ATAD5: variants seen among roughly 807,000 people sequenced by gnomAD.
ATAD5 encodes the protein ATPase family AAA domain-containing protein 5.
Under a neutral mutation model 176.9 loss-of-function variants are expected in ATAD5, and 58 were observed. The ratio of observed to expected loss-of-function variants is 0.33; its 90% CI spans 0.27 to 0.41. ATAD5 has a LOEUF of 0.41. ATAD5 is among the 10% of genes least tolerant of loss of function. The pLI is 1.00. For missense variants in ATAD5, 1,789 were observed against 2,094.1 expected (o/e 0.85, Z 2.84); for synonymous variants, 640 against 712.6 (o/e 0.90, Z 1.62).
intron 12 of ATAD5, among the ~76,000 whole-genome samples, chr17:30,869,029 G>T (rs1908179535): frequency 6.7e-6 from 1 of 148,824 alleles, no homozygotes; most frequent in South Asian, 2.1e-4. Flanking sequence ...TAGAGATGGG[G>T]TTTGGCCAGG....
intron 12 of ATAD5, among the ~76,000 whole-genome samples, chr17:30,868,616 C>T (rs1908142380): frequency 6.7e-6 from 1 of 150,054 alleles, no homozygotes; most frequent in Non-Finnish European, 1.5e-5. Context: ...AAGTGATTCT[C>T]ATGCCTCAGC....
rs771574943 is a variant in ATAD5 at position 30,893,748 on chromosome 17, C to T, written c.4895C>T (p.Thr1632Ile). 1.9e-6 allele frequency: 3 copies of T among 1,613,952 alleles called. No individual in the cohort carries two copies. Residue 1632 changes from threonine (T) to isoleucine (I), a missense_variant, in exon 21 of 23, where the codon ACA becomes ATA. Physicochemically the swap from Thr to Ile is moderately conservative, Grantham distance 89. Around this residue, in one of 6 missense-constraint regions of ATAD5, gnomAD observed 403 missense variants for 495.1 expected, o/e 0.81. Transcript: ENST00000321990. ...TKKSIPCPPK[T>I]TAGKKCSALV... ...AAATCTATTCCTTGTCCTCCTAAAA[C>T]AACTGCAGGAAAAAAATGTTCTGCC...
At chr17:30,838,167 C>G (rs1905868901) in intron 3 of ATAD5, among the ~76,000 whole-genome samples, 1 of 152,184 alleles carries the variant, frequency 6.6e-6, no homozygotes, top group African/African-American at 2.4e-5. Context: ...ACTTGAAAAA[C>G]TACAGCTCTA....
In ATAD5 at chr17:30,835,451, A is replaced by G; in HGVS notation, c.1370A>G (p.Lys457Arg). ...MENSGIQMVS[K>R]NGNLQLHTDK... ...AATTCTGGTATCCAAATGGTTTCAA[A>G]AAATGGCAATTTACAGTTACACACT... is the stretch of plus-strand genomic sequence containing the variant. Residue 457 changes from lysine to arginine, a missense_variant, in exon 2 of 23, where the codon AAA (lysine) becomes AGA (arginine). Physicochemically the swap from Lys to Arg is conservative, Grantham distance 26. Transcript: ENST00000321990. 1.2e-6 allele frequency: 2 copies of G among 1,611,926 alleles called. No homozygotes were observed. The highest frequency in any genetic ancestry group is 2.2e-5 in the South Asian group (2 of 89,988).
chr17:30,886,907 T>C (rs1909356107), intron 18 of ATAD5, among the ~76,000 whole-genome samples: 1 of 152,240 alleles, frequency 6.6e-6, no homozygotes, highest in Non-Finnish European at 1.5e-5. Flanking sequence ...AGGGGTTTTA[T>C]CAAGGTTTAT....
In ATAD5 at chr17:30,831,998, A is replaced by G. The variant is rs1905404347; in HGVS notation, c.-350A>G. On this transcript the variant is annotated 5_prime_UTR_variant, in exon 1 of 23. Transcript: ENST00000321990. ...GGACGGCGCGAAAACCCAATTGACA[A>G]GAATTCCCTCCGAAGCTCTGTGGTC... The G allele has an allele frequency of 2.9e-6, 1 of 345,780 alleles. No homozygotes were observed. Among genetic ancestry groups the G allele is most frequent in the Middle Eastern group, 7.4e-4 (1 of 1,348 alleles). 21.4% of individuals were successfully genotyped at this position (345,780 alleles called of 1,614,324 possible).
intron 14 of ATAD5, among the ~76,000 whole-genome samples, chr17:30,870,490 G>A (rs150385833): frequency 3.2e-4 from 48 of 152,114 alleles, no homozygotes; most frequent in African/African-American, 9.6e-4. Context: ...TATACAGGTG[G>A]CCTGTGTACT....
intron 18 of ATAD5, among the ~76,000 whole-genome samples, chr17:30,883,831 G>A (rs1366951528): frequency 1.3e-5 from 2 of 152,198 alleles, no homozygotes; most frequent in South Asian, 2.1e-4. Context: ...TTAGAGGTGT[G>A]AGCCCCCGCA....
In ATAD5 at chr17:30,877,500, C is replaced by A; in HGVS notation, c.3869C>A (p.Ala1290Asp). ...AATTCAAATGTCAAAGACGTTGGAG[C>A]TGAAGAACCCAGCAGAAAAAATGCA... ...ATNSNVKDVG[A>D]EEPSRKNATS... Residue 1290 changes from alanine (A) to aspartate (D), a missense_variant, in exon 16 of 23, where the codon GCT becomes GAT. Ala to Asp is a moderately radical substitution (Grantham distance 126). Coordinates refer to ENST00000321990, the MANE Select transcript of ATAD5 (RefSeq NM_024857.5). The A allele has an allele frequency of 6.2e-7, 1 of 1,611,472 alleles. No individual in the cohort carries two copies.
Position 30,834,225 on chromosome 17 carries a change from G to A in ATAD5, c.144G>A (p.Lys48=). Residue 48 remains lysine (K), a synonymous_variant, in exon 2 of 23, where the codon AAG becomes AAA. Coordinates refer to ENST00000321990, the MANE Select transcript of ATAD5 (RefSeq NM_024857.5). The part of the protein sequence containing the change: ...TITKYLSPLG[K]TRDRVFAPPK... ...CAAAATATTTATCACCACTAGGGAA[G>A]ACTAGAGACAGGGTTTTTGCTCCAC... 2 of 1,612,194 alleles carry A rather than the reference G, an allele frequency of 1.2e-6. No individual in the cohort carries two copies. The highest frequency in any genetic ancestry group is 1.7e-6 in the Non-Finnish European group (2 of 1,179,532).
Position 30,840,648 on chromosome 17 carries a change from C to T in ATAD5, c.2108C>T (p.Ala703Val), listed in dbSNP as rs1007012177. 1.3e-6 allele frequency: 2 copies of T among 1,568,310 alleles called. No homozygotes were observed. The highest frequency in any genetic ancestry group is 1.4e-5 in the African/African-American group (1 of 73,064). Reference sequence around the variant, plus strand: ...AATACTTCAAAAAACATATCAAAAGCAAAACAATTGATTGAAAAAGCAAAA... The same window carrying T: ...AATACTTCAAAAAACATATCAAAAGTAAAACAATTGATTGAAAAAGCAAAA... ...ASNTSKNISKAKQLIEKAKAL... is the reference protein window; with the variant it reads ...ASNTSKNISKVKQLIEKAKAL... The change falls in exon 4 of 23, where the codon GCA becomes GTA. Residue 703 changes from alanine to valine, a missense_variant. This residue lies in a region of ATAD5 where 487 missense variants were observed against 573.6 expected (regional missense o/e 0.85). Transcript: ENST00000321990.
intron 8 of ATAD5, among the ~76,000 whole-genome samples, 154 bp downstream of exon 8, chr17:30,857,266 T>G (rs1907342325): frequency 6.6e-6 from 1 of 152,198 alleles, no homozygotes; most frequent in Non-Finnish European, 1.5e-5. Context: ...TTGCCCAGGC[T>G]GGAGTGCAGT....
intron 19 of ATAD5, among the ~76,000 whole-genome samples, chr17:30,888,664 CT>C (rs756256611): frequency 2.1e-4 from 32 of 152,128 alleles, no homozygotes; most frequent in Non-Finnish European, 3.5e-4. Flanking sequence ...TTCACTTTAC[CT>C]TTTTGAGCCT....
intron 18 of ATAD5, among the ~76,000 whole-genome samples, chr17:30,881,850 G>A (rs1909034402): frequency 6.6e-6 from 1 of 152,040 alleles, no homozygotes; most frequent in Admixed American, 6.6e-5. Context: ...GGAGGCAGAG[G>A]TTGCAGTGAG....
At chr17:30,858,358 C>G (rs556201360) in intron 9 of ATAD5, 35 bp downstream of exon 9, 1 of 1,326,942 alleles carries the variant, frequency 7.5e-7, no homozygotes, top group South Asian at 2.2e-5. Context: ...TGTTAACATA[C>G]CAGTTTTGGG....
In ATAD5 at chr17:30,895,252, A is replaced by G. The variant is rs1215222288; in HGVS notation, c.*339A>G. 6.1e-6 allele frequency: 1 copy of G among 165,040 alleles called. No homozygotes were observed. Among genetic ancestry groups the G allele is most frequent in the African/African-American group, 2.4e-5 (1 of 41,916 alleles). 10.2% of individuals were successfully genotyped at this position (165,040 alleles called of 1,614,324 possible). On this transcript the variant is annotated 3_prime_UTR_variant, in exon 23 of 23. Coordinates refer to ENST00000321990, the MANE Select transcript of ATAD5 (RefSeq NM_024857.5). ...TATTAGCTTAATATTCAGATACATT[A>G]TCTTGGCTGCTAACATTAGTGTCAC...
At chr17:30,872,566 C>G (rs963953291) in intron 14 of ATAD5, among the ~76,000 whole-genome samples, 10 of 84,796 alleles carry the variant, frequency 1.2e-4, no homozygotes, top group East Asian at 1.0e-3. Context: ...TTTTTTTTTT[C>G]TTTTTTTGAG....
intron 18 of ATAD5, among the ~76,000 whole-genome samples, chr17:30,880,949 A>G (rs909227831): frequency 3.3e-5 from 5 of 151,834 alleles, no homozygotes; most frequent in African/African-American, 9.7e-5. Context: ...GTTCTCATGG[A>G]CCCTTTCTAG....
At chr17:30,844,456 G>A (rs1043207245) in intron 5 of ATAD5, among the ~76,000 whole-genome samples, 12 of 151,716 alleles carry the variant, frequency 7.9e-5, no homozygotes, top group Admixed American at 2.0e-4. Context: ...TATTCTGAAC[G>A]TGCTTATGAT....
Sources: allele counts gnomAD v4.1 joint callset (sites outside exome capture counted in the v4.1 genomes callset), GRCh38; gene constraint gnomAD v4.1.1; regional missense constraint gnomAD v4.1.1; transcripts MANE v1.5; gene names NCBI Gene and HGNC (gene_info 2026-07-23, HGNC 2026-07-21).